Variants in DLGAP1 observed in about 807,000 individuals in gnomAD.
DLGAP1 encodes the protein DLG associated protein 1.
A neutral mutation model predicts 90.8 loss-of-function variants in DLGAP1; 11 were observed. The observed-to-expected ratio is 0.12, with a 90% confidence interval of 0.08 to 0.20. DLGAP1 has a LOEUF of 0.20. DLGAP1 is among the 10% of genes least tolerant of loss of function. The probability of loss-of-function intolerance (pLI) is 1.00; values close to 1 mark genes in which losing one functional copy is unlikely to be tolerated. For missense variants in DLGAP1, 1,050 were observed against 1,333.8 expected (o/e 0.79, Z 3.31); for synonymous variants, 558 against 540.7 (o/e 1.03, Z -0.44).
At chr18:4,351,389 A>T (rs1035404939) in intron 1 of DLGAP1, among the ~76,000 whole-genome samples, 1 of 152,186 alleles carries the variant, frequency 6.6e-6, no homozygotes, top group Non-Finnish European at 1.5e-5. Flanking sequence ...AGCTATACTT[A>T]TCTATTCTAG....
At chr18:4,416,424 A>G (rs2082901327) in intron 1 of DLGAP1, among the ~76,000 whole-genome samples, 1 of 152,170 alleles carries the variant, frequency 6.6e-6, no homozygotes, top group Non-Finnish European at 1.5e-5. Flanking sequence ...CATGAAAAAT[A>G]AAGGAATTAC....
At chr18:4,151,988 T>TA (rs1246369263) in intron 1 of DLGAP1, among the ~76,000 whole-genome samples, 2 of 152,076 alleles carry the variant, frequency 1.3e-5, no homozygotes, top group African/African-American at 4.8e-5. Context: ...ATAATAATAT[T>TA]AAAAAAATAG....
chr18:4,440,717 T>G (rs757405683), intron 1 of DLGAP1, among the ~76,000 whole-genome samples: 6 of 152,228 alleles, frequency 3.9e-5, no homozygotes, highest in Non-Finnish European at 7.3e-5. Context: ...ACACTCACTA[T>G]TCAATCAGTT....
chr18:4,230,994 T>C (rs574457790), intron 1 of DLGAP1, among the ~76,000 whole-genome samples: 2 of 152,136 alleles, frequency 1.3e-5, no homozygotes, highest in South Asian at 4.2e-4. Context: ...CCGTGGTACT[T>C]GTCCACAGTC....
chr18:3,616,203 A>AAC (rs769694924), intron 7 of DLGAP1, among the ~76,000 whole-genome samples: 45 of 152,244 alleles, frequency 3.0e-4, no homozygotes, highest in Non-Finnish European at 5.6e-4. Context: ...AAGTGGCTGC[A>AAC]ACAATATCTT....
At chr18:4,188,528 A>C (rs2077339247) in intron 1 of DLGAP1, among the ~76,000 whole-genome samples, 1 of 151,968 alleles carries the variant, frequency 6.6e-6, no homozygotes, top group African/African-American at 2.4e-5. Flanking sequence ...ATGTGTTCTC[A>C]TTGTTCAACT....
intron 4 of DLGAP1, among the ~76,000 whole-genome samples, chr18:3,869,220 C>T (rs2070592131): frequency 1.3e-5 from 2 of 151,682 alleles, no homozygotes; most frequent in Admixed American, 6.6e-5. Context: ...ATTCCATCAG[C>T]CAATATCAAG....
chr18:4,233,189 C>T (rs1010682426), intron 1 of DLGAP1, among the ~76,000 whole-genome samples: 1 of 152,090 alleles, frequency 6.6e-6, no homozygotes, highest in African/African-American at 2.4e-5. Context: ...ATGACCTAAA[C>T]TATAGATTTT....
At chr18:3,746,849 C>T (rs902659310) in intron 5 of DLGAP1, among the ~76,000 whole-genome samples, 1 of 152,110 alleles carries the variant, frequency 6.6e-6, no homozygotes, top group Admixed American at 6.5e-5. Flanking sequence ...TTCTAAGTGT[C>T]CTCTTAGTAG....
chr18:4,396,977 C>T (rs2082455588), intron 1 of DLGAP1, among the ~76,000 whole-genome samples: 1 of 152,168 alleles, frequency 6.6e-6, no homozygotes, highest in South Asian at 2.1e-4. Context: ...AATGAAGGTG[C>T]TAGAGCCAAA....
intron 3 of DLGAP1, among the ~76,000 whole-genome samples, chr18:3,937,104 C>A (rs975188883): frequency 6.6e-6 from 1 of 152,168 alleles, no homozygotes; most frequent in African/African-American, 2.4e-5. Context: ...AAATAATGTA[C>A]GCAGGAAGGG....
chr18:3,569,660 G>A (rs1317923216), intron 8 of DLGAP1, among the ~76,000 whole-genome samples: 1 of 151,774 alleles, frequency 6.6e-6, no homozygotes, highest in Non-Finnish European at 1.5e-5. Flanking sequence ...AAATGTTTCT[G>A]TCAAAGACAC....
chr18:4,414,722 T>C (rs1598384734), intron 1 of DLGAP1, among the ~76,000 whole-genome samples: 1 of 33,180 alleles, frequency 3.0e-5, no homozygotes, highest in African/African-American at 4.7e-5. Flanking sequence ...CAAGACTCTG[T>C]CAAAAAAAAA....
intron 1 of DLGAP1, among the ~76,000 whole-genome samples, chr18:4,373,050 C>T (rs2081949579): frequency 6.6e-6 from 1 of 152,110 alleles, no homozygotes; most frequent in African/African-American, 2.4e-5. Flanking sequence ...TGATGGTCAA[C>T]AAAGCTCCTA....
chr18:3,549,969 A>G (rs967132161), intron 9 of DLGAP1, among the ~76,000 whole-genome samples: 3 of 152,130 alleles, frequency 2.0e-5, no homozygotes, highest in African/African-American at 7.2e-5. Context: ...GCTGGAGTGC[A>G]GTGGCACAAT....
At chr18:4,197,891 T>A (rs1397162008) in intron 1 of DLGAP1, among the ~76,000 whole-genome samples, 1 of 152,094 alleles carries the variant, frequency 6.6e-6, no homozygotes, top group South Asian at 2.1e-4. Context: ...ATACCATACA[T>A]GGGAAGCTGA....
chr18:3,694,939 GTTTTTTTTT>G (rs1219198458), intron 7 of DLGAP1, among the ~76,000 whole-genome samples: 34 of 125,320 alleles, frequency 2.7e-4, no homozygotes, highest in South Asian at 5.4e-4. Context: ...TGTTTTTTTT[GTTTTTTTTT>G]TTTTTTTTTG....
chr18:4,162,910 G>T (rs921275401), intron 1 of DLGAP1, among the ~76,000 whole-genome samples: 2 of 148,532 alleles, frequency 1.3e-5, no homozygotes, highest in African/African-American at 2.5e-5. Flanking sequence ...AATAATCAGA[G>T]TTTTTTTTTA....
At chr18:3,797,149 T>A (rs765795487) in intron 5 of DLGAP1, among the ~76,000 whole-genome samples, 1 of 152,040 alleles carries the variant, frequency 6.6e-6, no homozygotes, top group Non-Finnish European at 1.5e-5. Context: ...CTGGCTAACA[T>A]GGTGAAACCT....
Sources: allele counts gnomAD v4.1 joint callset (sites outside exome capture counted in the v4.1 genomes callset), GRCh38; gene constraint gnomAD v4.1.1; transcripts MANE v1.5; gene names NCBI Gene and HGNC (gene_info 2026-07-23, HGNC 2026-07-21).